Variants in MARCHF8 observed in about 807,000 individuals in gnomAD.
MARCHF8 encodes the protein membrane associated ring-CH-type finger 8.
In MARCHF8, 40 loss-of-function variants were observed where a neutral mutation model predicts 51.6. The ratio of observed to expected loss-of-function variants is 0.77; its 90% CI spans 0.60 to 1.01. MARCHF8 has a LOEUF of 1.01. Ranked by LOEUF, MARCHF8 falls within the 50% of genes least tolerant of loss-of-function variation. The pLI, the probability that MARCHF8 is intolerant of heterozygous loss-of-function variation, is 0.00. For missense variants in MARCHF8, 685 were observed against 708.6 expected (o/e 0.97, Z 0.38); for synonymous variants, 263 against 280.3 (o/e 0.94, Z 0.62).
chr10:45,481,902 T>C (rs981330893), intron 3 of MARCHF8, among the ~76,000 whole-genome samples: 5 of 152,206 alleles, frequency 3.3e-5, no homozygotes, highest in African/African-American at 1.2e-4. Flanking sequence ...GCAGATGATA[T>C]GATTTTATAC....
At chr10:45,559,945 G>A (rs536206480) in intron 1 of MARCHF8, among the ~76,000 whole-genome samples, 8 of 152,156 alleles carry the variant, frequency 5.3e-5, no homozygotes, top group South Asian at 2.1e-4. Context: ...CCAAGGGAGC[G>A]GGCCTCGGCA....
chr10:45,482,061 T>C (rs748957769), intron 3 of MARCHF8, among the ~76,000 whole-genome samples: 1 of 152,088 alleles, frequency 6.6e-6, no homozygotes, highest in East Asian at 1.9e-4. Flanking sequence ...GGCAATCCCA[T>C]TTACAATAGC....
chr10:45,489,080 G>A (rs1452157534), intron 3 of MARCHF8, among the ~76,000 whole-genome samples: 2 of 152,004 alleles, frequency 1.3e-5, no homozygotes, highest in Non-Finnish European at 2.9e-5. Flanking sequence ...TCCTAATTGT[G>A]GCAACAGACT....
At chr10:45,558,224 C>G (rs551764220) in intron 1 of MARCHF8, among the ~76,000 whole-genome samples, 1 of 152,286 alleles carries the variant, frequency 6.6e-6, no homozygotes, top group South Asian at 2.1e-4. Flanking sequence ...AGAGTCAAGG[C>G]AGACAAGGAC....
At chr10:45,518,834 C>T (rs1213457380) in intron 2 of MARCHF8, among the ~76,000 whole-genome samples, 2 of 152,168 alleles carry the variant, frequency 1.3e-5, no homozygotes, top group Non-Finnish European at 2.9e-5. Flanking sequence ...CCAAAGCTAC[C>T]AGCATCCTAT....
Position 45,531,029 on chromosome 10 carries a change from T to C in MARCHF8, c.102+2081A>G, listed in dbSNP as rs546644317. Among the ~76,000 whole-genome samples the C allele has an allele frequency of 3.4e-4, 51 of 152,106 alleles. 1 individual carries two copies. The South Asian group carries it at 8.5e-3, about 25-fold the overall frequency. Reference sequence around the variant, plus strand: ...GACGGAATTACTGGCAGATTAGATATTGAAAAAGAAAATATTAATGAAATT... The same window carrying C: ...GACGGAATTACTGGCAGATTAGATACTGAAAAAGAAAATATTAATGAAATT... On this transcript the variant is annotated intron_variant, in intron 2 of 7. Transcript: ENST00000453424.
At chr10:45,469,856 C>T (rs1564469080) in intron 3 of MARCHF8, among the ~76,000 whole-genome samples, 4 of 90,068 alleles carry the variant, frequency 4.4e-5, no homozygotes, top group Admixed American at 4.0e-4. Context: ...CAGAGTGAGA[C>T]TCCGTCTCAA....
intron 2 of MARCHF8, among the ~76,000 whole-genome samples, chr10:45,525,712 T>A (rs745487591): frequency 3.7e-4 from 56 of 152,350 alleles, no homozygotes; most frequent in Non-Finnish European, 7.3e-4. Flanking sequence ...GTTGATAGTA[T>A]ACTCGATCTG....
chr10:45,479,836 G>C (rs2042853473), intron 3 of MARCHF8, among the ~76,000 whole-genome samples: 1 of 152,232 alleles, frequency 6.6e-6, no homozygotes, highest in Non-Finnish European at 1.5e-5. Context: ...GTACCAGTAA[G>C]TGGGGTGCTG....
chr10:45,586,162 C>A (rs1372242315), intron 1 of MARCHF8, among the ~76,000 whole-genome samples: 1 of 152,102 alleles, frequency 6.6e-6, no homozygotes, highest in African/African-American at 2.4e-5. Context: ...ACCACCCAAT[C>A]AAAATACAGA....
intron 1 of MARCHF8, among the ~76,000 whole-genome samples, chr10:45,566,942 C>T (rs892578223): frequency 6.6e-6 from 1 of 152,144 alleles, no homozygotes; most frequent in African/African-American, 2.4e-5. Flanking sequence ...TCCTCACCAG[C>T]ATTTATTATT....
At chr10:45,546,679 T>A (rs2044127043) in intron 1 of MARCHF8, among the ~76,000 whole-genome samples, 1 of 151,010 alleles carries the variant, frequency 6.6e-6, no homozygotes, top group East Asian at 1.9e-4. Flanking sequence ...AGCTACTTGG[T>A]CGACAGATGG....
rs1275804557 is a variant in MARCHF8, at chr10:45,461,337, A to T, written c.1163T>A (p.Val388Glu). The part of the protein sequence containing the change: ...PCHCTGSLHF[V>E]HQACLQQWIK... ...CCACTGCTGCAGGCAGGCCTGGTGC[A>T]CGAAGTGGAGGCTTCCTGTGCAGTG... The change falls in exon 6 of 8, where the codon GTG (valine) becomes GAG (glutamate). Residue 388 changes from valine (V) to glutamate (E), a missense_variant. By Grantham distance (121) the Val-to-Glu change is moderately radical. Transcript: ENST00000453424. The T allele has an allele frequency of 6.2e-7, 1 of 1,608,156 alleles. No individual in the cohort carries two copies.
At chr10:45,562,033 T>TAATTAA (rs1302881299) in intron 1 of MARCHF8, among the ~76,000 whole-genome samples, 1 of 152,128 alleles carries the variant, frequency 6.6e-6, no homozygotes, top group Non-Finnish European at 1.5e-5. Flanking sequence ...CCAAATGAGT[T>TAATTAA]AATTAAATAG....
rs2133362477 is a variant in MARCHF8 at position 45,559,928 on chromosome 10, C to T, written c.-78-26639G>A. 2.0e-5 allele frequency among the ~76,000 whole-genome samples: 3 copies of T among 152,232 alleles called. 1 individual carries two copies. In the Middle Eastern group the frequency reaches 0.01, roughly 518 times the overall value. ...TATACACACTAAGTATACATCACGG[C>T]ACCCTTCCAAGGGAGCGGGCCTCGG... On this transcript the variant is annotated intron_variant, in intron 1 of 6. Coordinates refer to the MARCHF8 transcript ENST00000319836.
chr10:45,572,719 C>A (rs1172184622), intron 1 of MARCHF8, among the ~76,000 whole-genome samples: 4 of 152,046 alleles, frequency 2.6e-5, no homozygotes, highest in Non-Finnish European at 4.4e-5. Context: ...CAACCCCAAG[C>A]GTCTCTGAGT....
upstream of MARCHF8, among the ~76,000 whole-genome samples, chr10:45,540,104 A>T (rs555154868): frequency 6.6e-6 from 1 of 152,204 alleles, no homozygotes; most frequent in African/African-American, 2.4e-5. Flanking sequence ...AATCAATATC[A>T]TGAAAATGGC....
At chr10:45,548,655 A>G (rs1314906047) in intron 1 of MARCHF8, among the ~76,000 whole-genome samples, 1 of 152,222 alleles carries the variant, frequency 6.6e-6, no homozygotes, top group Non-Finnish European at 1.5e-5. Context: ...TCTGAGAAAC[A>G]GAACAGGTGT....
chr10:45,512,331 C>G (rs2043534554), intron 2 of MARCHF8, among the ~76,000 whole-genome samples: 2 of 151,546 alleles, frequency 1.3e-5, no homozygotes, highest in South Asian at 4.2e-4. Context: ...CCGGCAGCCA[C>G]CCCGTCCGGG....
Sources: allele counts gnomAD v4.1 joint callset (sites outside exome capture counted in the v4.1 genomes callset), GRCh38; gene constraint gnomAD v4.1.1; transcripts MANE v1.5; gene names NCBI Gene and HGNC (gene_info 2026-07-23, HGNC 2026-07-21).